Variants in ISM1 observed in about 807,000 individuals in gnomAD.
ISM1 encodes the protein isthmin-1.
Under a neutral mutation model 46.3 loss-of-function variants are expected in ISM1, and 25 were observed. The observed-to-expected ratio is 0.54, with a 90% CI of 0.39 to 0.75. The LOEUF is 0.75. Among genes scored for constraint, ISM1 ranks in the 30% least tolerant of loss-of-function variants. The pLI, the probability that ISM1 is intolerant of heterozygous loss-of-function variation, is 0.00. For missense variants in ISM1, 536 were observed against 625.4 expected (o/e 0.86, Z 1.52); for synonymous variants, 255 against 256.7 (o/e 0.99, Z 0.06).
chr20:13,304,123 GT>G (rs1268744948), downstream of ISM1, among the ~76,000 whole-genome samples: 3 of 152,180 alleles, frequency 2.0e-5, no homozygotes, highest in Non-Finnish European at 2.9e-5. Flanking sequence ...AACTTGTAAA[GT>G]TTTTTGTAGG....
intron 5 of ISM1, among the ~76,000 whole-genome samples, chr20:13,293,019 AC>A (rs1201183388): frequency 2.6e-5 from 4 of 151,030 alleles, no homozygotes; most frequent in African/African-American, 4.9e-5. Flanking sequence ...ACATGGTGAA[AC>A]CCCCCCGTCT....
chr20:13,255,800 G>A (rs1033774699), intron 1 of ISM1, among the ~76,000 whole-genome samples: 1 of 152,122 alleles, frequency 6.6e-6, no homozygotes, highest in African/African-American at 2.4e-5. Context: ...TGGCATGGTA[G>A]ACCTAAGTGA....
intron 5 of ISM1, among the ~76,000 whole-genome samples, chr20:13,293,760 G>A (rs112584855): frequency 0.091 from 13,776 of 152,052 alleles, 1,036 homozygotes; most frequent in African/African-American, 0.2. Flanking sequence ...GATCACCTGA[G>A]GCCAGGAGTT....
At chr20:13,292,492 T>G (rs2040364214) in intron 5 of ISM1, 29 bp downstream of exon 5, 7 of 1,400,822 alleles carry the variant, frequency 5.0e-6, no homozygotes, top group Non-Finnish European at 6.9e-6. Flanking sequence ...TTAATCCAAA[T>G]ATTGACTTAG....
At chr20:13,249,779 CGTTTTGTTTTGTTTTGTTTT>C (rs33933656) in intron 1 of ISM1, among the ~76,000 whole-genome samples, 5,503 of 141,770 alleles carry the variant, frequency 0.039, 136 homozygotes, top group African/African-American at 0.049. Flanking sequence ...TTTTTTGTTG[CGTTTTGTTTTGTTTTGTTTT>C]GTTTTGTTTT....
chr20:13,292,839 C>A (rs1296579262), intron 5 of ISM1, among the ~76,000 whole-genome samples: 1 of 152,132 alleles, frequency 6.6e-6, no homozygotes, highest in Non-Finnish European at 1.5e-5. Context: ...AGTTCTCCAG[C>A]AGAGGGAGGG....
At chr20:13,254,162 G>T (rs768043635) in intron 1 of ISM1, among the ~76,000 whole-genome samples, 3 of 151,844 alleles carry the variant, frequency 2.0e-5, no homozygotes, top group South Asian at 2.1e-4. Flanking sequence ...GAGCCCAGGA[G>T]GGGGAGGTTG....
chr20:13,290,118 C>T (rs6078976), intron 4 of ISM1, among the ~76,000 whole-genome samples: 21,564 of 152,190 alleles, frequency 0.14, 1,874 homozygotes, highest in South Asian at 0.26. Flanking sequence ...GGCTCCATGT[C>T]AGCCATGCAG....
At position 13,299,078 on chromosome 20, in the gene ISM1, C is replaced by T. The variant is rs757051405; in HGVS notation, c.1014C>T (p.Phe338=). 4.3e-6 allele frequency: 7 copies of T among 1,613,698 alleles called. No homozygotes were observed. In the East Asian group the frequency reaches 1.3e-4, roughly 31 times the overall value. The change falls in exon 6 of 6, where the codon TTC becomes TTT. Residue 338 remains phenylalanine, a synonymous_variant. Coordinates refer to ENST00000262487, the MANE Select transcript of ISM1 (RefSeq NM_080826.2). The surrounding 1 kb of genome is among the most constrained non-coding windows in gnomAD (Gnocchi z 5.8). ...TEVAYSTADI[F]DRIKRKDFRW... is the part of the protein sequence containing the mutation. Reference sequence around the variant, plus strand: ...TGGCCTACAGCACGGCCGACATCTTCGACCGCATCAAGCGCAAGGACTTCC... The same window carrying T: ...TGGCCTACAGCACGGCCGACATCTTTGACCGCATCAAGCGCAAGGACTTCC...
At chr20:13,275,315 T>G (rs1003199068) in intron 2 of ISM1, among the ~76,000 whole-genome samples, 2 of 152,204 alleles carry the variant, frequency 1.3e-5, no homozygotes, top group South Asian at 2.1e-4. Context: ...GGGTTACAGT[T>G]GTACGTGCTT....
At chr20:13,268,362 C>A in intron 1 of ISM1, among the ~76,000 whole-genome samples, 1 of 50,584 alleles carries the variant, frequency 2.0e-5, no homozygotes, top group Non-Finnish European at 4.1e-5. Flanking sequence ...CTCTCTCTCT[C>A]TCTCTCTCTC....
chr20:13,249,518 G>A (rs2039841049), intron 1 of ISM1, among the ~76,000 whole-genome samples: 1 of 152,178 alleles, frequency 6.6e-6, no homozygotes, highest in Non-Finnish European at 1.5e-5. Flanking sequence ...TTGGCCCAAA[G>A]GAAACATTTA....
intron 1 of ISM1, 116 bp downstream of exon 1, chr20:13,222,030 C>T: frequency 2.0e-6 from 2 of 1,021,922 alleles, no homozygotes; most frequent in Non-Finnish European, 2.5e-6. Flanking sequence ...CACCTAAGAG[C>T]AACTGTTTTG....
At chr20:13,324,007 A>G in the ISM1 span, among the ~76,000 whole-genome samples, 1 of 152,188 alleles carries the variant, frequency 6.6e-6, no homozygotes, top group African/African-American at 2.4e-5. Context: ...AATGTTATCT[A>G]TCTCCCTTCC....
At chr20:13,262,546 T>G (rs779534110) in intron 1 of ISM1, among the ~76,000 whole-genome samples, 2 of 152,090 alleles carry the variant, frequency 1.3e-5, no homozygotes, top group African/African-American at 2.4e-5. Context: ...GAATAATTTA[T>G]CCTTCATTTC....
the ISM1 span, among the ~76,000 whole-genome samples, chr20:13,310,375 C>T: frequency 4.6e-5 from 7 of 152,038 alleles, no homozygotes; most frequent in Non-Finnish European, 7.4e-5. Context: ...TATCCACCTG[C>T]AGAAGAATGA....
chr20:13,223,156 C>CAAAAAA (rs369659111), intron 1 of ISM1, among the ~76,000 whole-genome samples: 1 of 120,126 alleles, frequency 8.3e-6, no homozygotes, highest in African/African-American at 3.3e-5. Flanking sequence ...GACTCCGTCT[C>CAAAAAA]AAAAAAAAAA....
chr20:13,297,310 G>A (rs1179941819), intron 5 of ISM1, among the ~76,000 whole-genome samples: 1 of 152,132 alleles, frequency 6.6e-6, no homozygotes, highest in Non-Finnish European at 1.5e-5. Context: ...GCTGAGGCAT[G>A]TTCTCTATGC....
chr20:13,290,321 G>A lies in ISM1; in HGVS notation c.787+1638G>A, dbSNP rs1036906678. On this transcript the variant is annotated intron_variant, in intron 4 of 5. Coordinates refer to ENST00000262487, the MANE Select transcript of ISM1 (RefSeq NM_080826.2). The stretch of plus-strand genomic sequence containing the variant: ...AAAAAGAGAAGAATATGAAGTAAAC[G>A]AAAATAATGATGAAGGTAAAAAGAT... Among the ~76,000 whole-genome samples, 8 of 152,230 alleles carry A rather than the reference G, an allele frequency of 5.3e-5. No homozygotes were observed. In the East Asian group the frequency reaches 1.4e-3, roughly 26 times the overall value.
Sources: gnomAD v4.1 joint callset for allele counts (sites outside exome capture counted in the v4.1 genomes callset) on GRCh38, gnomAD v4.1.1 for gene constraint, Gnocchi (gnomAD v3.1) non-coding constraint, MANE v1.5 for transcripts, NCBI Gene and HGNC (gene_info 2026-07-23, HGNC 2026-07-21) for gene names.